Variants in ULK4 observed in about 807,000 individuals in gnomAD.
The protein encoded by ULK4 is unc-51 like kinase 4.
ULK4 carries 133 observed loss-of-function variants against 160.6 expected under a neutral mutation model. The ratio of observed to expected loss-of-function variants is 0.83; its 90% CI spans 0.72 to 0.96. The LOEUF (loss-of-function observed/expected upper bound fraction) is 0.96, where lower values mean the gene tolerates loss of function less well. Ranked by LOEUF, ULK4 falls within the 40% of genes least tolerant of loss-of-function variation. The pLI, the probability that ULK4 is intolerant of heterozygous loss-of-function variation, is 0.00. For missense variants in ULK4, 1,580 were observed against 1,499.5 expected (o/e 1.05, Z -0.89); for synonymous variants, 534 against 539.8 (o/e 0.99, Z 0.15).
intron 21 of ULK4, among the ~76,000 whole-genome samples, chr3:41,761,867 G>A (rs937231527): frequency 1.3e-5 from 2 of 152,072 alleles, no homozygotes; most frequent in African/African-American, 4.8e-5. Flanking sequence ...CTTGAGCTCA[G>A]GAGTTCCAGA....
chr3:41,321,295 TCAA>T (rs1165307445), intron 35 of ULK4, among the ~76,000 whole-genome samples: 4 of 152,170 alleles, frequency 2.6e-5, no homozygotes, highest in Admixed American at 1.3e-4. Context: ...TATAAAATAT[TCAA>T]CAACTTTTCC....
At chr3:41,486,059 T>C (rs1005006577) in intron 32 of ULK4, among the ~76,000 whole-genome samples, 1 of 152,214 alleles carries the variant, frequency 6.6e-6, no homozygotes, top group South Asian at 2.1e-4. Context: ...CTTCTGGGTT[T>C]CCTCCCTGAA....
At chr3:41,945,047 C>G (rs1475694603) in intron 2 of ULK4, among the ~76,000 whole-genome samples, 1 of 152,158 alleles carries the variant, frequency 6.6e-6, no homozygotes, top group East Asian at 1.9e-4. Context: ...GAAACAGAAT[C>G]TAGGCTCAAT....
chr3:41,678,048 G>A (rs542174013), intron 29 of ULK4, among the ~76,000 whole-genome samples: 3 of 152,244 alleles, frequency 2.0e-5, no homozygotes, highest in Admixed American at 6.5e-5. Context: ...TCTCAAGCCC[G>A]CCAGCTTTCA....
At chr3:41,503,806 T>G (rs1210584966) in intron 32 of ULK4, among the ~76,000 whole-genome samples, 2 of 152,168 alleles carry the variant, frequency 1.3e-5, no homozygotes, top group African/African-American at 2.4e-5. Flanking sequence ...TCTCTCCTTC[T>G]GAAAAAATCT....
In ULK4 at chr3:41,778,141, G is replaced by A. The variant is rs2039703459; in HGVS notation, c.2193+11520C>T. 1.6e-5 allele frequency among the ~76,000 whole-genome samples: 2 copies of A among 122,210 alleles called. 1 individual carries two copies. The highest frequency in any genetic ancestry group is 5.0e-4 in the South Asian group (2 of 4,040). 80.2% of individuals were successfully genotyped at this position (122,210 alleles called of 152,430 possible). On this transcript the variant is annotated intron_variant, in intron 21 of 36. Transcript: ENST00000301831. ...ATAAGCAACTTCAGCAAAGTCTCAG[G>A]ATACAAAATCAATGTACAAAAATCG...
intron 20 of ULK4, among the ~76,000 whole-genome samples, chr3:41,792,783 C>G (rs2125595043): frequency 6.6e-6 from 1 of 152,284 alleles, no homozygotes; most frequent in Non-Finnish European, 1.5e-5. Context: ...TGCACAGAGC[C>G]TTAACAGCAC....
chr3:41,765,551 T>TATA (rs957913141), intron 21 of ULK4, among the ~76,000 whole-genome samples: 1 of 151,694 alleles, frequency 6.6e-6, no homozygotes, highest in African/African-American at 2.4e-5. Context: ...AAACTTAAAG[T>TATA]ATAATAATAA....
intron 35 of ULK4, among the ~76,000 whole-genome samples, chr3:41,382,538 G>A (rs1002716503): frequency 1.3e-5 from 2 of 152,072 alleles, no homozygotes; most frequent in Admixed American, 1.3e-4. Context: ...TCTATATTAA[G>A]TGGTTAGTTT....
intron 6 of ULK4, 72 bp downstream of exon 6, chr3:41,919,645 C>A: frequency 3.2e-6 from 4 of 1,268,248 alleles, no homozygotes; most frequent in Non-Finnish European, 4.5e-6. Flanking sequence ...ATAGGTAAAA[C>A]ATCTGCAAAG....
intron 35 of ULK4, among the ~76,000 whole-genome samples, chr3:41,326,020 GATAAA>G (rs1293592807): frequency 6.6e-6 from 1 of 152,144 alleles, no homozygotes; most frequent in East Asian, 1.9e-4. Flanking sequence ...TTATATGTAT[GATAAA>G]ATAAAATCAG....
chr3:41,703,500 T>C (rs1211477839), intron 27 of ULK4, among the ~76,000 whole-genome samples: 3 of 152,110 alleles, frequency 2.0e-5, no homozygotes, highest in Admixed American at 6.6e-5. Context: ...ACTTGTGGGA[T>C]GATGCTAACG....
chr3:41,484,187 A>G (rs1018873409), intron 32 of ULK4, among the ~76,000 whole-genome samples: 1 of 152,236 alleles, frequency 6.6e-6, no homozygotes, highest in Non-Finnish European at 1.5e-5. Context: ...GGGAACTTAC[A>G]GAACCCAATT....
intron 27 of ULK4, among the ~76,000 whole-genome samples, chr3:41,692,521 CTAT>C (rs2036340444): frequency 6.6e-6 from 1 of 151,562 alleles, no homozygotes; most frequent in South Asian, 2.1e-4. Context: ...ATATATACTA[CTAT>C]ATGCTACATA....
intron 14 of ULK4, among the ~76,000 whole-genome samples, 166 bp downstream of exon 14, chr3:41,898,266 G>A (rs938135117): frequency 6.6e-6 from 1 of 152,158 alleles, no homozygotes; most frequent in Non-Finnish European, 1.5e-5. Flanking sequence ...TGGCACAAAT[G>A]AATTACAGAT....
At position 41,944,321 on chromosome 3, in the gene ULK4, G is replaced by A. The variant is rs373697335; in HGVS notation, c.139-6124C>T. Among the ~76,000 whole-genome samples, 242 of 152,278 alleles carry A rather than the reference G, an allele frequency of 1.6e-3. 1 individual carries two copies. The highest frequency in any genetic ancestry group is 5.7e-3 in the African/African-American group (238 of 41,550). ...GAAAATAAACCACCTGCTTTAAGAC[G>A]TGTAATTTCACGGGAGGATGAGGCA... is the stretch of plus-strand genomic sequence containing the variant. On this transcript the variant is annotated intron_variant, in intron 2 of 36. Transcript: ENST00000301831.
At chr3:41,730,016 T>C (rs946877349) in intron 22 of ULK4, among the ~76,000 whole-genome samples, 1 of 152,160 alleles carries the variant, frequency 6.6e-6, no homozygotes, top group African/African-American at 2.4e-5. Flanking sequence ...GCTATACAAA[T>C]ACATGGATAT....
chr3:41,698,950 G>A (rs945828423), intron 27 of ULK4, among the ~76,000 whole-genome samples: 12 of 152,162 alleles, frequency 7.9e-5, no homozygotes, highest in Admixed American at 1.3e-4. Context: ...TATCCATGTC[G>A]TTAAGTGTAA....
In ULK4 at chr3:41,316,828, C is replaced by T. The variant is rs184316439; in HGVS notation, c.3679-67254G>A. Among the ~76,000 whole-genome samples, 26 of 152,284 alleles carry T rather than the reference C, an allele frequency of 1.7e-4. No individual in the cohort carries two copies. In the East Asian group the frequency reaches 4.1e-3, roughly 24 times the overall value. ...GGCAGCGCCTTTTTTAGTTGGTTCACCACCATATATGTTGGCATCTAGAAC... is the reference window on the plus strand; with the variant it reads ...GGCAGCGCCTTTTTTAGTTGGTTCATCACCATATATGTTGGCATCTAGAAC... On this transcript the variant is annotated intron_variant, in intron 35 of 36. Coordinates refer to ENST00000301831, the MANE Select transcript of ULK4 (RefSeq NM_017886.4).
Sources: allele counts gnomAD v4.1 joint callset (sites outside exome capture counted in the v4.1 genomes callset), GRCh38; gene constraint gnomAD v4.1.1; transcripts MANE v1.5; gene names NCBI Gene and HGNC (gene_info 2026-07-23, HGNC 2026-07-21).